SPEN: variants seen among roughly 807,000 people sequenced by gnomAD.
SPEN encodes spen family transcriptional repressor.
SPEN carries 18 observed loss-of-function variants against 269.9 expected under a neutral mutation model. That is an observed-to-expected ratio of 0.07 (90% confidence interval 0.05 to 0.10). SPEN has a LOEUF of 0.10. Among genes scored for constraint, SPEN ranks in the 10% least tolerant of loss-of-function variants. The probability of loss-of-function intolerance (pLI) is 1.00; values close to 1 mark genes in which losing one functional copy is unlikely to be tolerated. For missense variants in SPEN, 3,822 were observed against 4,631.2 expected (o/e 0.83, Z 5.07); for synonymous variants, 1,726 against 1,765.7 (o/e 0.98, Z 0.56).
chr1:15,926,029 T>G (rs1377993195), intron 10 of SPEN, among the ~76,000 whole-genome samples: 6 of 152,198 alleles, frequency 3.9e-5, no homozygotes, highest in Non-Finnish European at 5.9e-5. Flanking sequence ...AAGGATCATC[T>G]TGAATCCAAT....
At chr1:15,897,457 G>A (rs540580072) in intron 3 of SPEN, among the ~76,000 whole-genome samples, 1 of 152,082 alleles carries the variant, frequency 6.6e-6, no homozygotes, top group African/African-American at 2.4e-5. Flanking sequence ...CCGCCTTCTG[G>A]GTTCAAGCGA....
intron 6 of SPEN, chr1:15,917,787 T>G (rs562344426): frequency 1.3e-5 from 2 of 153,604 alleles, no homozygotes; most frequent in African/African-American, 4.8e-5. Flanking sequence ...GCCTTCTTTC[T>G]TGGTTCAGCC....
At chr1:15,859,565 T>G (rs1464097506) in intron 1 of SPEN, among the ~76,000 whole-genome samples, 1 of 151,802 alleles carries the variant, frequency 6.6e-6, no homozygotes, top group Non-Finnish European at 1.5e-5. Context: ...GAGACAGGGT[T>G]TCACCGTGTT....
chr1:15,866,438 C>T (rs1456947844), intron 1 of SPEN, among the ~76,000 whole-genome samples: 1 of 152,176 alleles, frequency 6.6e-6, no homozygotes, highest in African/African-American at 2.4e-5. Flanking sequence ...ACTGCAAGCT[C>T]TGCCTCCCGG....
chr1:15,930,469 A>G lies in SPEN; in HGVS notation c.4229A>G (p.Asp1410Gly). 6.2e-7 allele frequency: 1 copy of G among 1,614,228 alleles called. No homozygotes were observed. The highest frequency in any genetic ancestry group is 1.6e-4 in the Middle Eastern group (1 of 6,062). ...ESSRLSFLLR[D>G]REDKLRERDE... ...TCTCGATTGTCTTTTTTATTGAGGG[A>G]CAGAGAAGACAAGCTACGTGAGCGA... The change falls in exon 11 of 15, where the codon GAC becomes GGC. Residue 1410 changes from aspartate (D) to glycine (G), a missense_variant. Physicochemically the swap from Asp to Gly is moderately conservative, Grantham distance 94 (BLOSUM62 -1). Around this residue, in one of 16 missense-constraint regions of SPEN, gnomAD observed 267 missense variants for 315.5 expected, o/e 0.85. Transcript: ENST00000375759. This position sits in a 1 kb window ranked among gnomAD's most constrained non-coding sequence, Gnocchi z 5.3.
chr1:15,900,847 G>T (rs895943140), intron 3 of SPEN, among the ~76,000 whole-genome samples: 6 of 152,094 alleles, frequency 3.9e-5, no homozygotes, highest in Admixed American at 2.0e-4. Flanking sequence ...TGCACTGTAG[G>T]GTACTTGGTA....
chr1:15,895,169 G>A (rs1260207928), intron 3 of SPEN, among the ~76,000 whole-genome samples: 5 of 152,100 alleles, frequency 3.3e-5, no homozygotes, highest in African/African-American at 4.8e-5. Context: ...TGATCCGCCC[G>A]CCTCGGCCTC....
intron 3 of SPEN, among the ~76,000 whole-genome samples, chr1:15,888,448 C>G: frequency 6.6e-6 from 1 of 151,750 alleles, no homozygotes; most frequent in Non-Finnish European, 1.5e-5. Flanking sequence ...CTTAGCCTCC[C>G]TAGTAGCTGG....
Position 15,937,854 on chromosome 1 carries a change from G to T in SPEN, c.10552G>T (p.Asp3518Tyr). The change falls in exon 13 of 15, where the codon GAC becomes TAC. Residue 3518 changes from aspartate to tyrosine, a missense_variant. Around this residue, in one of 16 missense-constraint regions of SPEN, gnomAD observed 103 missense variants for 215.8 expected, o/e 0.48. Transcript: ENST00000375759. The surrounding 1 kb of genome is among the most constrained non-coding windows in gnomAD (Gnocchi z 5.7). The part of the protein sequence containing the change: ...VWQGLLALKN[D>Y]TAAVQLHFVS... ...GCAGGGCCTGCTGGCCCTCAAGAATGACACAGCTGCTGTGCAGCTCCACTT... is the reference window on the plus strand; with the variant it reads ...GCAGGGCCTGCTGGCCCTCAAGAATTACACAGCTGCTGTGCAGCTCCACTT... The T allele has an allele frequency of 6.2e-7, 1 of 1,614,124 alleles. No individual in the cohort carries two copies. Among genetic ancestry groups the T allele is most frequent in the Non-Finnish European group, 8.5e-7 (1 of 1,180,018 alleles).
chr1:15,936,355 CAG>C (rs1280045181), intron 11 of SPEN, 89 bp downstream of exon 11: 90 of 1,439,074 alleles, frequency 6.3e-5, no homozygotes, highest in Middle Eastern at 3.7e-4. Context: ...TGAAAGAAAT[CAG>C]GGGCCAGGTG....
chr1:15,870,223 GGAAAAGTA>G (rs1358266120), intron 1 of SPEN, among the ~76,000 whole-genome samples: 1 of 152,092 alleles, frequency 6.6e-6, no homozygotes, highest in African/African-American at 2.4e-5. Flanking sequence ...ATGGAAAGGT[GGAAAAGTA>G]GGCAGTACAC....
At chr1:15,923,627 T>A (rs938297300) in intron 10 of SPEN, among the ~76,000 whole-genome samples, 7 of 152,150 alleles carry the variant, frequency 4.6e-5, no homozygotes, top group African/African-American at 1.7e-4. Context: ...TAATATATAT[T>A]AATTTCTTAG....
rs1281377766 is a variant in SPEN, at chr1:15,931,744, T to A, written c.5504T>A (p.Ile1835Asn). The change falls in exon 11 of 15, where the codon ATC (isoleucine) becomes AAC (asparagine). Residue 1835 changes from isoleucine to asparagine, a missense_variant. This residue lies in a region of SPEN where 533 missense variants were observed against 618.8 expected (regional missense o/e 0.86). Transcript: ENST00000375759. The surrounding 1 kb of genome is among the most constrained non-coding windows in gnomAD (Gnocchi z 4.8). ...CCTGTTCAGGCAGCTGCAGTGAGTATCGTGGAGAAGCCCGTCACAAGGAAG... is the reference window on the plus strand; with the variant it reads ...CCTGTTCAGGCAGCTGCAGTGAGTAACGTGGAGAAGCCCGTCACAAGGAAG... ...KTPVQAAAVS[I>N]VEKPVTRKSE... 1 of 1,614,046 alleles carries A rather than the reference T, an allele frequency of 6.2e-7. No individual in the cohort carries two copies. Among genetic ancestry groups the A allele is most frequent in the Non-Finnish European group, 8.5e-7 (1 of 1,179,978 alleles).
chr1:15,891,360 T>A (rs2070786874), intron 3 of SPEN, among the ~76,000 whole-genome samples: 1 of 151,352 alleles, frequency 6.6e-6, no homozygotes, highest in Non-Finnish European at 1.5e-5. Flanking sequence ...AAATTTTTTT[T>A]TTTTTTTTTG....
In SPEN at chr1:15,939,514, T is replaced by C. The variant is rs2071315173; in HGVS notation, c.*87T>C. On this transcript the variant is annotated 3_prime_UTR_variant, in exon 15 of 15. Coordinates refer to ENST00000375759, the MANE Select transcript of SPEN (RefSeq NM_015001.3). The surrounding 1 kb of genome is among the most constrained non-coding windows in gnomAD (Gnocchi z 4.1). ...AACCCAGCCAAGCAGAGGAAGAAGC[T>C]GCCGAAGGGGACAGACTCCACTGCC... 3.5e-6 allele frequency: 5 copies of C among 1,432,866 alleles called. No homozygotes were observed. Among genetic ancestry groups the C allele is most frequent in the East Asian group, 2.7e-5 (1 of 37,392 alleles). The allele number at this position is 1,432,866 out of a possible 1,614,324, so 88.8% of individuals were successfully genotyped here.
In SPEN at chr1:15,929,465, G is replaced by A. The variant is rs759728870; in HGVS notation, c.3225G>A (p.Gly1075=). 1.9e-6 allele frequency: 3 copies of A among 1,613,426 alleles called. No homozygotes were observed. The highest frequency in any genetic ancestry group is 2.5e-6 in the Non-Finnish European group (3 of 1,179,702). ...DCQELASISV[G]SGSRPSSDLQ... is the part of the protein sequence containing the mutation. The stretch of plus-strand genomic sequence containing the variant: ...AGGAGCTTGCCAGTATTTCTGTTGG[G>A]TCTGGCTCAAGGCCCAGCTCAGACC... Residue 1075 remains glycine, a synonymous_variant, in exon 11 of 15, where the codon GGG becomes GGA. Transcript: ENST00000375759. The surrounding 1 kb of genome is among the most constrained non-coding windows in gnomAD (Gnocchi z 5.8).
At position 15,847,945 on chromosome 1, in the gene SPEN, TGCCGACGCCACCGCCGCAGCC is replaced by T; in HGVS notation, c.-118_-98del. ...GGGGAGCCGGAGGAGCCGCCGCCGC[TGCCGACGCCACCGCCGCAGCC>T]GCCGCCGCCGCCGCCCCGGCACCCG... On this transcript the variant is annotated 5_prime_UTR_variant, in exon 1 of 15. Coordinates refer to ENST00000375759, the MANE Select transcript of SPEN (RefSeq NM_015001.3). 2.3e-6 allele frequency: 1 copy of T among 430,308 alleles called. No individual in the cohort carries two copies. Among genetic ancestry groups the T allele is most frequent in the Non-Finnish European group, 3.8e-6 (1 of 265,580 alleles). 26.7% of individuals were successfully genotyped at this position (430,308 alleles called of 1,614,324 possible). A position where few individuals can be genotyped will look rare whatever the true frequency, so the allele number is the denominator to read the frequency against.
rs2070627964 is a variant in SPEN at position 15,876,112 on chromosome 1, A to G, written c.405-90A>G. 1.0e-5 allele frequency: 10 copies of G among 997,718 alleles called. No individual in the cohort carries two copies. The Middle Eastern group carries it at 1.2e-3, about 120-fold the overall frequency. The allele number at this position is 997,718 out of a possible 1,614,324, so 61.8% of individuals were successfully genotyped here. ...TAGAAAATGACCAGTTGCAAAGACA[A>G]AGACAATGCTGAAGTGAATGTTTGC... On this transcript the variant is annotated intron_variant, in intron 2 of 14. Coordinates refer to ENST00000375759, the MANE Select transcript of SPEN (RefSeq NM_015001.3).
At chr1:15,879,886 G>A (rs2148713548) in intron 3 of SPEN, among the ~76,000 whole-genome samples, 1 of 152,184 alleles carries the variant, frequency 6.6e-6, no homozygotes, top group East Asian at 1.9e-4. Flanking sequence ...TAGCCAGGAT[G>A]GTCTTGATCT....
Sources: gnomAD v4.1 joint callset for allele counts (sites outside exome capture counted in the v4.1 genomes callset) on GRCh38, gnomAD v4.1.1 for gene constraint, gnomAD v4.1.1 regional missense constraint, Gnocchi (gnomAD v3.1) non-coding constraint, MANE v1.5 for transcripts, NCBI Gene and HGNC (gene_info 2026-07-23, HGNC 2026-07-21) for gene names.